Variants in KCNH7 observed in about 807,000 individuals in gnomAD.
KCNH7 encodes the protein potassium voltage-gated channel subfamily H member 7.
A neutral mutation model predicts 120.8 loss-of-function variants in KCNH7; 49 were observed. That is an observed-to-expected ratio of 0.41 (90% CI 0.32 to 0.51). KCNH7 has a LOEUF of 0.51. Among genes scored for constraint, KCNH7 ranks in the 20% least tolerant of loss-of-function variants. KCNH7 has a pLI of 0.38. For missense variants in KCNH7, 1,097 were observed against 1,446.6 expected, an observed-to-expected ratio of 0.76 and a Z score of 3.92; for synonymous variants, 547 against 516.1, an observed-to-expected ratio of 1.06 and a Z score of -0.81.
intron 3 of KCNH7, among the ~76,000 whole-genome samples, chr2:162,518,427 T>C: frequency 6.6e-6 from 1 of 151,826 alleles, no homozygotes; most frequent in East Asian, 2.0e-4. Context: ...CATGAGACTT[T>C]TAGTTTTAAT....
At chr2:162,823,867 T>C (rs1267596726) in intron 2 of KCNH7, among the ~76,000 whole-genome samples, 1 of 150,908 alleles carries the variant, frequency 6.6e-6, no homozygotes, top group Non-Finnish European at 1.5e-5. Flanking sequence ...TCTAATTACC[T>C]TCTGGAAAAG....
chr2:162,635,754 G>A lies in KCNH7; in HGVS notation c.308-98674C>T, dbSNP rs565117248. Among the ~76,000 whole-genome samples, 30 of 152,112 alleles carry A rather than the reference G, an allele frequency of 2.0e-4. 1 individual carries two copies. In the South Asian group the frequency reaches 6.0e-3, roughly 30 times the overall value. ...AATGACCACTGACAAAATTTTCAGC[G>A]AGAGTGCAGTTCTTTGCTATTAAAC... On this transcript the variant is annotated intron_variant, in intron 2 of 15. Coordinates refer to ENST00000332142, the MANE Select transcript of KCNH7 (RefSeq NM_033272.4).
intron 2 of KCNH7, among the ~76,000 whole-genome samples, chr2:162,805,727 T>TTTGG (rs1684515039): frequency 6.6e-6 from 1 of 152,164 alleles, no homozygotes; most frequent in East Asian, 1.9e-4. Flanking sequence ...GCAATTCCAC[T>TTTGG]ACTGGATATC....
chr2:162,409,800 G>C (rs531109774), intron 9 of KCNH7, among the ~76,000 whole-genome samples: 9 of 151,860 alleles, frequency 5.9e-5, no homozygotes, highest in African/African-American at 1.9e-4. Flanking sequence ...CCCAAGTTCA[G>C]AGACAAATTA....
chr2:162,717,642 CCTT>C (rs979831736), intron 2 of KCNH7, among the ~76,000 whole-genome samples: 1 of 152,054 alleles, frequency 6.6e-6, no homozygotes, highest in Non-Finnish European at 1.5e-5. Flanking sequence ...CTTAACACAT[CCTT>C]CTTTTGCTTA....
chr2:162,396,387 T>C (rs1686912806), intron 11 of KCNH7, among the ~76,000 whole-genome samples: 1 of 151,816 alleles, frequency 6.6e-6, no homozygotes, highest in African/African-American at 2.4e-5. Flanking sequence ...TTCTAACCTC[T>C]GTATAAGATA....
chr2:162,577,367 A>G (rs1293803290), intron 2 of KCNH7, among the ~76,000 whole-genome samples: 2 of 140,314 alleles, frequency 1.4e-5, no homozygotes, highest in African/African-American at 5.3e-5. Flanking sequence ...CTATCTATCT[A>G]TCTATCTATC....
At chr2:162,569,799 T>C (rs1360220430) in intron 2 of KCNH7, among the ~76,000 whole-genome samples, 3 of 145,350 alleles carry the variant, frequency 2.1e-5, no homozygotes, top group African/African-American at 7.8e-5. Flanking sequence ...CCAGTAGTCA[T>C]TCAGGAGCAG....
chr2:162,428,294 CT>C (rs1466027985), intron 8 of KCNH7, among the ~76,000 whole-genome samples: 7 of 151,720 alleles, frequency 4.6e-5, no homozygotes, highest in Non-Finnish European at 1.0e-4. Context: ...CATTTGGGGA[CT>C]TTCTAAACAT....
At chr2:162,448,098 A>T (rs990905295) in intron 6 of KCNH7, among the ~76,000 whole-genome samples, 2 of 152,100 alleles carry the variant, frequency 1.3e-5, no homozygotes, top group East Asian at 3.9e-4. Context: ...TCTGGAAAAT[A>T]AAGTGATTTT....
intron 2 of KCNH7, among the ~76,000 whole-genome samples, chr2:162,608,617 G>C (rs1266774818): frequency 2.6e-5 from 4 of 152,110 alleles, no homozygotes; most frequent in Non-Finnish European, 4.4e-5. Context: ...TTTGTCAAAT[G>C]GTCCCACCTA....
intron 6 of KCNH7, among the ~76,000 whole-genome samples, chr2:162,493,686 T>C (rs1690402336): frequency 6.6e-6 from 1 of 152,204 alleles, no homozygotes; most frequent in East Asian, 1.9e-4. Flanking sequence ...TACACTAAAA[T>C]TAAAAATTGC....
chr2:162,493,560 G>T (rs140791697), intron 6 of KCNH7, among the ~76,000 whole-genome samples: 1,976 of 152,238 alleles, frequency 0.013, 47 homozygotes, highest in South Asian at 0.097. Context: ...TGCTCAACTT[G>T]CCTGCTTTAC....
At chr2:162,822,564 A>G (rs560771354) in intron 2 of KCNH7, among the ~76,000 whole-genome samples, 2 of 152,286 alleles carry the variant, frequency 1.3e-5, no homozygotes, top group East Asian at 3.9e-4. Flanking sequence ...TCCCTTTCAA[A>G]CAGGTAAGGA....
At chr2:162,722,536 C>T (rs902549131) in intron 2 of KCNH7, among the ~76,000 whole-genome samples, 2 of 152,032 alleles carry the variant, frequency 1.3e-5, no homozygotes, top group East Asian at 1.9e-4. Flanking sequence ...CAGAATTTTT[C>T]ATCTGCCTTT....
chr2:162,418,622 T>A (rs994681315), intron 9 of KCNH7, among the ~76,000 whole-genome samples: 2 of 152,086 alleles, frequency 1.3e-5, no homozygotes, highest in African/African-American at 4.8e-5. Context: ...GATGAAGTCT[T>A]TTAAATAAGT....
intron 2 of KCNH7, among the ~76,000 whole-genome samples, chr2:162,554,200 T>C (rs576035347): frequency 1.9e-4 from 29 of 152,176 alleles, no homozygotes; most frequent in Non-Finnish European, 4.0e-4. Flanking sequence ...GAATTACTTG[T>C]TTGGTAAAAT....
At chr2:162,578,763 G>T (rs1693769250) in intron 2 of KCNH7, among the ~76,000 whole-genome samples, 1 of 152,008 alleles carries the variant, frequency 6.6e-6, no homozygotes, top group Non-Finnish European at 1.5e-5. Context: ...ATTCCTGAGT[G>T]TAGAAGTGGG....
intron 6 of KCNH7, among the ~76,000 whole-genome samples, chr2:162,447,126 G>A (rs1024685016): frequency 2.0e-5 from 3 of 152,012 alleles, no homozygotes; most frequent in East Asian, 1.9e-4. Context: ...AAAAGAAAAT[G>A]CTACAAGGAG....
Sources: gnomAD v4.1 joint callset for allele counts (sites outside exome capture counted in the v4.1 genomes callset) on GRCh38, gnomAD v4.1.1 for gene constraint, MANE v1.5 for transcripts, NCBI Gene and HGNC (gene_info 2026-07-23, HGNC 2026-07-21) for gene names.